LCLAT1: variants seen among roughly 807,000 people sequenced by gnomAD.
LCLAT1 encodes the protein 1-AGP acyltransferase 8.
In LCLAT1, 11 loss-of-function variants were observed where a neutral mutation model predicts 30.7. The observed-to-expected ratio is 0.36, with a 90% CI of 0.23 to 0.59. The LOEUF is 0.59. Ranked by LOEUF, LCLAT1 falls within the 20% of genes least tolerant of loss-of-function variation. LCLAT1 has a pLI of 0.77. For synonymous variants in LCLAT1, 155 were observed against 151.3 expected (o/e 1.02, Z -0.18); for missense variants, 402 against 458.6 (o/e 0.88, Z 1.13).
chr2:30,468,467 A>G (rs1245287283), intron 1 of LCLAT1, among the ~76,000 whole-genome samples: 1 of 152,162 alleles, frequency 6.6e-6, no homozygotes, highest in Admixed American at 6.6e-5. Context: ...GGTCATTTGT[A>G]AATGACCTCC....
At chr2:30,573,734 A>G (rs1665880865) in intron 5 of LCLAT1, among the ~76,000 whole-genome samples, 2 of 152,158 alleles carry the variant, frequency 1.3e-5, no homozygotes, top group Admixed American at 1.3e-4. Context: ...AGCTATATGT[A>G]AATTTTTCTT....
chr2:30,454,948 T>C (rs1028397798), intron 1 of LCLAT1, among the ~76,000 whole-genome samples: 4 of 152,176 alleles, frequency 2.6e-5, no homozygotes, highest in Non-Finnish European at 5.9e-5. Flanking sequence ...CCTATATAAT[T>C]TAGCTTCTCT....
intron 1 of LCLAT1, among the ~76,000 whole-genome samples, chr2:30,471,407 G>A (rs1270693198): frequency 1.3e-5 from 2 of 150,650 alleles, no homozygotes; most frequent in Non-Finnish European, 3.0e-5. Context: ...ACAGGGTTTC[G>A]CCATGTTGCC....
chr2:30,489,387 C>T (rs977486681), intron 1 of LCLAT1: 3 of 150,990 alleles, frequency 2.0e-5, no homozygotes, highest in African/African-American at 7.3e-5. Flanking sequence ...GAGTCTCGCT[C>T]TGTCGCCCAG....
chr2:30,476,430 G>T (rs1307483895), intron 1 of LCLAT1: 1 of 456,536 alleles, frequency 2.2e-6, no homozygotes, highest in African/African-American at 2.0e-5. Flanking sequence ...ATTATCTCCT[G>T]ATTTCCACCT....
intron 5 of LCLAT1, among the ~76,000 whole-genome samples, chr2:30,633,045 A>G (rs529988974): frequency 6.4e-4 from 98 of 152,338 alleles, no homozygotes; most frequent in Admixed American, 2.2e-3. Context: ...TATCTGAATC[A>G]ATCCATTCAA....
chr2:30,614,215 A>C (rs1158523245), intron 5 of LCLAT1, among the ~76,000 whole-genome samples: 3 of 100,280 alleles, frequency 3.0e-5, no homozygotes, highest in African/African-American at 4.1e-5. Context: ...TGCTGCCTTC[A>C]AGCATCTGTT....
intron 1 of LCLAT1, among the ~76,000 whole-genome samples, chr2:30,486,091 G>A (rs1444468738): frequency 1.3e-5 from 2 of 152,042 alleles, no homozygotes; most frequent in East Asian, 3.9e-4. Flanking sequence ...AAGCAATACA[G>A]GCTTGTTAGA....
rs969317622 is a variant in LCLAT1, at chr2:30,640,565, A to G, written c.1077A>G (p.Ala359=). 6.2e-7 allele frequency: 1 copy of G among 1,613,272 alleles called. No individual in the cohort carries two copies. The highest frequency in any genetic ancestry group is 1.3e-5 in the African/African-American group (1 of 74,896). The change falls in exon 6 of 6, where the codon GCA becomes GCG. Residue 359 remains alanine, a synonymous_variant. Transcript: ENST00000379509. ...IFGGLEIIEL[A]CYRLLHKQPH... ...GTGGACTGGAGATCATAGAACTTGC[A>G]TGTTACCGACTTTTACACAAACAGC... is the stretch of plus-strand genomic sequence containing the variant.
In LCLAT1 at chr2:30,533,179, G is replaced by GA; in HGVS notation, c.232dup (p.Arg78LysfsTer25). On this transcript the variant is annotated frameshift_variant, in exon 3 of 6. Coordinates refer to ENST00000379509, the MANE Select transcript of LCLAT1 (RefSeq NM_001002257.3). LOFTEE classifies it high-confidence loss of function. The stretch of plus-strand genomic sequence containing the variant: ...AACTGGGGATGCATTTGTTCCTGGA[G>GA]AAAGAAGTGTCATTATCATGAACCA... 1 of 1,614,086 alleles carries GA rather than the reference G, an allele frequency of 6.2e-7. No individual in the cohort carries two copies. Among genetic ancestry groups the GA allele is most frequent in the Non-Finnish European group, 8.5e-7 (1 of 1,179,928 alleles).
chr2:30,624,609 A>G (rs546624972), intron 5 of LCLAT1, among the ~76,000 whole-genome samples: 5 of 152,326 alleles, frequency 3.3e-5, no homozygotes, highest in South Asian at 4.1e-4. Flanking sequence ...GGAGCTCCCA[A>G]ATTTGTAGAA....
At chr2:30,593,922 CAAA>C (rs35889899) in intron 5 of LCLAT1, among the ~76,000 whole-genome samples, 20 of 134,820 alleles carry the variant, frequency 1.5e-4, no homozygotes, top group Admixed American at 3.7e-4. Context: ...GATCCTGTCT[CAAA>C]AAAAAAAAAA....
chr2:30,496,590 G>A (rs1231057081), intron 1 of LCLAT1, among the ~76,000 whole-genome samples: 3 of 152,150 alleles, frequency 2.0e-5, no homozygotes, highest in Non-Finnish European at 2.9e-5. Flanking sequence ...CTTATAGGTT[G>A]CCAGAAAGGT....
At chr2:30,512,010 C>T (rs765999544) in intron 1 of LCLAT1, among the ~76,000 whole-genome samples, 13 of 152,318 alleles carry the variant, frequency 8.5e-5, no homozygotes, top group Non-Finnish European at 1.8e-4. Flanking sequence ...TTTGTCTTTG[C>T]AGGTCAGCCA....
rs147371854 is a variant in LCLAT1 at position 30,595,029 on chromosome 2, A to G, written c.628+26853A>G. ...TTTGTCTTTACCTCTTTTCCTTCTC[A>G]TTTATGTTTTTTAAACATTAATTTT... On this transcript the variant is annotated intron_variant, in intron 5 of 5. Coordinates refer to ENST00000379509, the MANE Select transcript of LCLAT1 (RefSeq NM_001002257.3). Among the ~76,000 whole-genome samples, 1,065 of 152,186 alleles carry G rather than the reference A, an allele frequency of 7.0e-3. 11 individuals are homozygous for G. Among genetic ancestry groups the G allele is most frequent in the African/African-American group, 0.024 (1,012 of 41,546 alleles).
chr2:30,490,670 A>G (rs2148326625), intron 1 of LCLAT1, among the ~76,000 whole-genome samples: 1 of 152,330 alleles, frequency 6.6e-6, no homozygotes, highest in South Asian at 2.1e-4. Flanking sequence ...AGAAGTCTTA[A>G]GATTTTGAAC....
chr2:30,556,238 A>T (rs747038011), intron 3 of LCLAT1, among the ~76,000 whole-genome samples: 1 of 152,238 alleles, frequency 6.6e-6, no homozygotes, highest in Admixed American at 6.5e-5. Flanking sequence ...CTGAGTGCCA[A>T]TAAAACCTTA....
At chr2:30,587,316 A>G (rs1666487770) in intron 5 of LCLAT1, among the ~76,000 whole-genome samples, 2 of 136,262 alleles carry the variant, frequency 1.5e-5, no homozygotes, top group South Asian at 2.1e-4. Flanking sequence ...TTATTTAAAC[A>G]TGGTAGTTTT....
chr2:30,467,219 T>C (rs1682489265), intron 1 of LCLAT1, among the ~76,000 whole-genome samples: 1 of 152,210 alleles, frequency 6.6e-6, no homozygotes, highest in Admixed American at 6.5e-5. Context: ...AATAGTTTGC[T>C]GAGAATGATG....
Sources: allele counts gnomAD v4.1 joint callset (sites outside exome capture counted in the v4.1 genomes callset), GRCh38; gene constraint gnomAD v4.1.1; transcripts MANE v1.5; gene names NCBI Gene and HGNC (gene_info 2026-07-23, HGNC 2026-07-21).